RASGEF1C: variants seen among roughly 807,000 people sequenced by gnomAD.
RASGEF1C encodes the protein RasGEF domain family member 1C.
Under a neutral mutation model 58.1 loss-of-function variants are expected in RASGEF1C, and 27 were observed. That is an observed-to-expected ratio of 0.46 (90% confidence interval 0.34 to 0.64). The LOEUF (loss-of-function observed/expected upper bound fraction) is 0.64, where lower values mean the gene tolerates loss of function less well. Among genes scored for constraint, RASGEF1C ranks in the 30% least tolerant of loss-of-function variants. RASGEF1C has a pLI of 0.01. For missense variants in RASGEF1C, 502 were observed against 605.1 expected, an observed-to-expected ratio of 0.83 and a Z score of 1.79; for synonymous variants, 243 against 246.3, an observed-to-expected ratio of 0.99 and a Z score of 0.13.
At chr5:180,103,359 G>A (rs774341457) in intron 12 of RASGEF1C, among the ~76,000 whole-genome samples, 5 of 152,216 alleles carry the variant, frequency 3.3e-5, no homozygotes, top group Non-Finnish European at 4.4e-5. Flanking sequence ...TTACAGGCGT[G>A]AGCCACCGCA....
At chr5:180,105,665 C>T (rs1464135359) in intron 12 of RASGEF1C, among the ~76,000 whole-genome samples, 2 of 150,624 alleles carry the variant, frequency 1.3e-5, no homozygotes, top group Non-Finnish European at 3.0e-5. Flanking sequence ...GTCAGGAGTT[C>T]GAGACCAGCC....
rs994232393 is a variant in RASGEF1C, at chr5:180,152,422, A to G, written c.-6-14364T>C. 4.6e-4 allele frequency among the ~76,000 whole-genome samples: 70 copies of G among 152,100 alleles called. 1 individual carries two copies. Among genetic ancestry groups the G allele is most frequent in the African/African-American group, 1.5e-3 (64 of 41,488 alleles). On this transcript the variant is annotated intron_variant, in intron 1 of 13. Transcript: ENST00000361132. Reference sequence around the variant, plus strand: ...GTTCATGTCTTTTGAAGGGACATGGATGAAGCTGGCAACCATCATTCTCAG... The same window carrying G: ...GTTCATGTCTTTTGAAGGGACATGGGTGAAGCTGGCAACCATCATTCTCAG...
intron 8 of RASGEF1C, 69 bp from the exon 9 acceptor site, chr5:180,118,935 C>G (rs1428060255): frequency 1.4e-6 from 2 of 1,419,568 alleles, no homozygotes; most frequent in Non-Finnish European, 2.0e-6. Flanking sequence ...GCTGCACCCC[C>G]TTGGACTGCA....
At chr5:180,175,530 C>T (rs917510339) in intron 1 of RASGEF1C, among the ~76,000 whole-genome samples, 3 of 152,304 alleles carry the variant, frequency 2.0e-5, no homozygotes, top group East Asian at 1.9e-4. Flanking sequence ...ACCTGCATTT[C>T]GGTGCTTGTT....
chr5:180,176,219 A>G (rs556655310), intron 1 of RASGEF1C, among the ~76,000 whole-genome samples: 1 of 152,212 alleles, frequency 6.6e-6, no homozygotes, highest in Non-Finnish European at 1.5e-5. Context: ...CCCAGAGAGC[A>G]GGTGGGCCCT....
At position 180,137,657 on chromosome 5, in the gene RASGEF1C, T is replaced by G; in HGVS notation, c.233A>C (p.Glu78Ala). ...LSSRLFIEPR[E>A]LLARVCHLCI... ...CAGGTGGCAGACCCGGGCCAGGAGC[T>G]CCCGGGGCTCGATGAAGAGGCGAGA... Residue 78 changes from glutamate (E) to alanine (A), a missense_variant, in exon 3 of 14, where the codon GAG (glutamate) becomes GCG (alanine). By Grantham distance (107) the Glu-to-Ala change is moderately radical. Transcript: ENST00000361132. This position sits in a 1 kb window ranked among gnomAD's most constrained non-coding sequence, Gnocchi z 4.1. 1.9e-6 allele frequency: 3 copies of G among 1,612,554 alleles called. No homozygotes were observed. Among genetic ancestry groups the G allele is most frequent in the Non-Finnish European group, 2.5e-6 (3 of 1,179,930 alleles).
Position 180,105,435 on chromosome 5 carries a change from G to A in RASGEF1C, c.1304-3292C>T, listed in dbSNP as rs544395368. On this transcript the variant is annotated intron_variant, in intron 12 of 13. Coordinates refer to ENST00000361132, the MANE Select transcript of RASGEF1C (RefSeq NM_175062.4). The stretch of plus-strand genomic sequence containing the variant: ...AAATTAGCCAAGTGTGGTGGCGGGC[G>A]CCTGTAGTCCCAGCTACTCGGGAGG... 4.6e-5 allele frequency among the ~76,000 whole-genome samples: 7 copies of A among 152,028 alleles called. No homozygotes were observed. The South Asian group carries it at 6.2e-4, about 14-fold the overall frequency.
At chr5:180,115,830 C>T (rs775091705) in intron 10 of RASGEF1C, among the ~76,000 whole-genome samples, 5 of 151,986 alleles carry the variant, frequency 3.3e-5, no homozygotes, top group East Asian at 1.9e-4. Flanking sequence ...CCTAGTGCCC[C>T]GTCCTACCTC....
intron 10 of RASGEF1C, among the ~76,000 whole-genome samples, chr5:180,114,775 C>T (rs148070815): frequency 7.9e-5 from 12 of 152,322 alleles, no homozygotes; most frequent in Admixed American, 2.6e-4. Flanking sequence ...GGAGCAGGCG[C>T]GCATCACCCT....
chr5:180,145,418 G>C (rs1766649040), intron 1 of RASGEF1C, among the ~76,000 whole-genome samples: 1 of 152,186 alleles, frequency 6.6e-6, no homozygotes, highest in South Asian at 2.1e-4. Context: ...ACCGTGCCCG[G>C]CCCGCTGCAC....
intron 9 of RASGEF1C, 30 bp from the exon 10 acceptor site, chr5:180,118,734 G>A: frequency 2.5e-6 from 4 of 1,614,056 alleles, no homozygotes; most frequent in Non-Finnish European, 3.4e-6. Context: ...CATGTGGGCA[G>A]TTCTGTCCAG....
intron 12 of RASGEF1C, among the ~76,000 whole-genome samples, chr5:180,102,426 A>G (rs1765804987): frequency 6.6e-6 from 1 of 152,378 alleles, no homozygotes; most frequent in Non-Finnish European, 1.5e-5. Context: ...TGGCTGGGCC[A>G]TATCATAGTG....
chr5:180,176,521 A>G (rs1441229943), intron 1 of RASGEF1C, among the ~76,000 whole-genome samples: 1 of 151,386 alleles, frequency 6.6e-6, no homozygotes, highest in Non-Finnish European at 1.5e-5. Flanking sequence ...TGTGCCACTC[A>G]GGTAACAGAG....
In RASGEF1C at chr5:180,158,697, C is replaced by T. The variant is rs1766886400; in HGVS notation, c.-6-20639G>A. ...ACAAAGCCAGTTGGTCACCCTAGTC[C>T]CAAGTCTTTTGAAATTTCACAAGGA... On this transcript the variant is annotated intron_variant, in intron 1 of 13. Transcript: ENST00000361132. This position sits in a 1 kb window ranked among gnomAD's most constrained non-coding sequence, Gnocchi z 4.0. Among the ~76,000 whole-genome samples the T allele has an allele frequency of 6.6e-6, 1 of 152,166 alleles. No homozygotes were observed. The highest frequency in any genetic ancestry group is 2.4e-5 in the African/African-American group (1 of 41,430).
chr5:180,180,082 T>TGCTCACACTGCCTGTAGCAC (rs1767299498), intron 1 of RASGEF1C, among the ~76,000 whole-genome samples: 1 of 152,174 alleles, frequency 6.6e-6, no homozygotes, highest in Admixed American at 6.5e-5. Context: ...GGCGGTGGCC[T>TGCTCACACTGCCTGTAGCAC]GCTCACACTG....
Position 180,142,730 on chromosome 5 carries a change from G to A in RASGEF1C, c.-6-4672C>T, listed in dbSNP as rs540115658. On this transcript the variant is annotated intron_variant, in intron 1 of 13. Coordinates refer to ENST00000361132, the MANE Select transcript of RASGEF1C (RefSeq NM_175062.4). ...TGCGGATGGTGGGAATGACATTCAC[G>A]TGGATGAAGACTGCAGTGAGGCCCT... is the stretch of plus-strand genomic sequence containing the variant. 1.9e-3 allele frequency among the ~76,000 whole-genome samples: 282 copies of A among 152,224 alleles called. 1 individual carries two copies. The highest frequency in any genetic ancestry group is 6.5e-3 in the African/African-American group (270 of 41,548).
At chr5:180,139,457 A>G (rs1766540673) in intron 1 of RASGEF1C, among the ~76,000 whole-genome samples, 1 of 152,198 alleles carries the variant, frequency 6.6e-6, no homozygotes, top group Non-Finnish European at 1.5e-5. Context: ...GTGGTGGGTC[A>G]GAGCTGACAC....
chr5:180,159,174 C>G (rs1342524070), intron 1 of RASGEF1C, among the ~76,000 whole-genome samples: 1 of 148,724 alleles, frequency 6.7e-6, no homozygotes, highest in East Asian at 2.0e-4. Context: ...GAATCTCACT[C>G]TGTTGCCCAG....
chr5:180,204,436 T>C (rs1018487874), intron 1 of RASGEF1C, among the ~76,000 whole-genome samples: 3 of 152,242 alleles, frequency 2.0e-5, no homozygotes, highest in African/African-American at 7.2e-5. Flanking sequence ...TCATACGTTT[T>C]GTGTCTGTTT....
Sources: allele counts gnomAD v4.1 joint callset (sites outside exome capture counted in the v4.1 genomes callset), GRCh38; gene constraint gnomAD v4.1.1; non-coding constraint Gnocchi (gnomAD v3.1); transcripts MANE v1.5; gene names NCBI Gene and HGNC (gene_info 2026-07-23, HGNC 2026-07-21).